The following PARD3 variants were observed in gnomAD, a reference collection of about 807,000 sequenced individuals.
PARD3 encodes par-3 family cell polarity regulator, also known as partitioning defective 3 homolog.
Under a neutral mutation model 155.4 loss-of-function variants are expected in PARD3, and 75 were observed. The ratio of observed to expected loss-of-function variants is 0.48; its 90% confidence interval spans 0.40 to 0.58. The LOEUF (loss-of-function observed/expected upper bound fraction) is 0.58. Ranked by LOEUF, PARD3 falls within the 20% of genes least tolerant of loss-of-function variation. The pLI, the probability that PARD3 is intolerant of heterozygous loss-of-function variation, is 0.00. For missense variants in PARD3, 1,642 were observed against 1,721.7 expected (o/e 0.95, Z 0.82); for synonymous variants, 576 against 610.5 (o/e 0.94, Z 0.83).
At chr10:34,213,082 C>T (rs1951831367) in intron 22 of PARD3, among the ~76,000 whole-genome samples, 1 of 152,142 alleles carries the variant, frequency 6.6e-6, no homozygotes, top group African/African-American at 2.4e-5. Context: ...CACAGAATAC[C>T]TAAGACCATG....
intron 1 of PARD3, among the ~76,000 whole-genome samples, chr10:34,785,731 G>C (rs1329107022): frequency 6.6e-6 from 1 of 152,122 alleles, no homozygotes; most frequent in Non-Finnish European, 1.5e-5. Flanking sequence ...AATGGGACAG[G>C]CTCATGTGAA....
chr10:34,483,398 C>G (rs2079219174), intron 3 of PARD3, among the ~76,000 whole-genome samples: 1 of 148,420 alleles, frequency 6.7e-6, no homozygotes, highest in Non-Finnish European at 1.5e-5. Context: ...AGGATAATTG[C>G]TTGAGCCTGG....
chr10:34,280,798 T>C (rs1194122325), intron 21 of PARD3, among the ~76,000 whole-genome samples: 1 of 152,068 alleles, frequency 6.6e-6, no homozygotes, highest in Non-Finnish European at 1.5e-5. Flanking sequence ...GTTGAGAGGA[T>C]GTTTTGAGAA....
intron 24 of PARD3, among the ~76,000 whole-genome samples, chr10:34,117,091 T>A (rs989859622): frequency 6.6e-6 from 1 of 152,168 alleles, no homozygotes; most frequent in Non-Finnish European, 1.5e-5. Context: ...GTGCCCCTTC[T>A]CCCTGGCAAC....
rs1456568462 is a variant in PARD3 at position 34,341,831 on chromosome 10, A to C, written c.2219-15T>G. The C allele has an allele frequency of 2.0e-6, 3 of 1,531,560 alleles. No homozygotes were observed. Among genetic ancestry groups the C allele is most frequent in the East Asian group, 4.6e-5 (2 of 43,472 alleles). 94.9% of individuals were successfully genotyped at this position (1,531,560 alleles called of 1,614,324 possible). ...CTGGTATTTACCTGTCCAGTGAAAA[A>C]AGAAGAAGAGAAAATTCTAGACATC... On this transcript the variant is annotated splice_polypyrimidine_tract_variant and intron_variant, in intron 15 of 24. Transcript: ENST00000374788.
intron 22 of PARD3, among the ~76,000 whole-genome samples, chr10:34,227,662 T>TA (rs982402873): frequency 6.6e-6 from 1 of 151,038 alleles, no homozygotes. Flanking sequence ...ACATACATAA[T>TA]AAAAAAATAA....
chr10:34,567,159 A>C (rs2086016170), intron 2 of PARD3, among the ~76,000 whole-genome samples: 1 of 152,224 alleles, frequency 6.6e-6, no homozygotes, highest in Non-Finnish European at 1.5e-5. Flanking sequence ...TGTTGAGCCA[A>C]CCATTCCTAA....
intron 2 of PARD3, among the ~76,000 whole-genome samples, chr10:34,527,788 C>T (rs1391232717): frequency 2.0e-5 from 3 of 152,088 alleles, no homozygotes; most frequent in African/African-American, 7.2e-5. Context: ...AATTTGCATG[C>T]AAGAAGGAAG....
At chr10:34,736,650 ATTAAT>A (rs1327897968) in intron 1 of PARD3, among the ~76,000 whole-genome samples, 1 of 135,984 alleles carries the variant, frequency 7.4e-6, no homozygotes, top group African/African-American at 3.1e-5. Flanking sequence ...TTATTAATTA[ATTAAT>A]TTATTTATTT....
At chr10:34,298,552 G>A (rs1957015244) in intron 20 of PARD3, among the ~76,000 whole-genome samples, 1 of 152,270 alleles carries the variant, frequency 6.6e-6, no homozygotes, top group Non-Finnish European at 1.5e-5. Flanking sequence ...CAAACTCATA[G>A]AGACAGAAAG....
chr10:34,249,681 G>A (rs1412379185), intron 22 of PARD3, among the ~76,000 whole-genome samples: 1 of 152,130 alleles, frequency 6.6e-6, no homozygotes, highest in Non-Finnish European at 1.5e-5. Flanking sequence ...CCCCCACCCT[G>A]TATGGTCTGT....
intron 2 of PARD3, among the ~76,000 whole-genome samples, chr10:34,602,347 G>A (rs2089862305): frequency 1.3e-5 from 2 of 151,936 alleles, no homozygotes; most frequent in Admixed American, 1.3e-4. Flanking sequence ...ATCCACTAAT[G>A]GAAAACTTTC....
At chr10:34,692,233 A>C (rs1175892025) in intron 2 of PARD3, among the ~76,000 whole-genome samples, 1 of 708 alleles carries the variant, frequency 1.4e-3, no homozygotes, top group Non-Finnish European at 9.4e-3. Flanking sequence ...ACTTCATTTC[A>C]AAAAAAAAAA....
At chr10:34,416,813 A>C (rs1845721604) in intron 5 of PARD3, among the ~76,000 whole-genome samples, 1 of 152,250 alleles carries the variant, frequency 6.6e-6, no homozygotes, top group African/African-American at 2.4e-5. Context: ...TTGTATCACA[A>C]CATGAACTGT....
intron 22 of PARD3, among the ~76,000 whole-genome samples, chr10:34,168,235 C>T (rs1038961510): frequency 5.3e-5 from 8 of 152,230 alleles, no homozygotes; most frequent in African/African-American, 1.9e-4. Context: ...ATAAACTACA[C>T]ATGAAGTTTC....
chr10:34,411,154 G>T (rs1023058312), intron 5 of PARD3, among the ~76,000 whole-genome samples: 1 of 152,110 alleles, frequency 6.6e-6, no homozygotes, highest in African/African-American at 2.4e-5. Context: ...AGACAGAGAT[G>T]GGGGAGGAGG....
At chr10:34,666,527 C>A (rs1463572816) in intron 2 of PARD3, among the ~76,000 whole-genome samples, 1 of 151,854 alleles carries the variant, frequency 6.6e-6, no homozygotes, top group Non-Finnish European at 1.5e-5. Flanking sequence ...TACTTAGGTC[C>A]ACCCTTACTA....
At chr10:34,488,152 C>T (rs111596486) in intron 3 of PARD3, among the ~76,000 whole-genome samples, 1,772 of 152,260 alleles carry the variant, frequency 0.012, 32 homozygotes, top group African/African-American at 0.038. Context: ...TACAAGATTT[C>T]ATAATTATCC....
chr10:34,564,036 C>T (rs1427976460), intron 2 of PARD3, among the ~76,000 whole-genome samples: 1 of 152,136 alleles, frequency 6.6e-6, no homozygotes, highest in Admixed American at 6.5e-5. Context: ...ACTTACATGT[C>T]ATAATGGGAA....
Sources: gnomAD v4.1 joint callset for allele counts (sites outside exome capture counted in the v4.1 genomes callset) on GRCh38, gnomAD v4.1.1 for gene constraint, MANE v1.5 for transcripts, NCBI Gene and HGNC (gene_info 2026-07-23, HGNC 2026-07-21) for gene names.